The following PRRX1 variants were observed in gnomAD, a reference collection of about 807,000 sequenced individuals.
The protein encoded by PRRX1 is paired related homeobox 1.
PRRX1 carries 8 observed loss-of-function variants against 24.0 expected under a neutral mutation model. The observed-to-expected ratio is 0.33, with a 90% confidence interval of 0.20 to 0.60. The LOEUF is 0.60. Ranked by LOEUF, PRRX1 falls within the 20% of genes least tolerant of loss-of-function variation. PRRX1 has a pLI of 0.82. For synonymous variants in PRRX1, 160 were observed against 131.7 expected (o/e 1.22, Z -1.47); for missense variants, 281 against 322.4 (o/e 0.87, Z 0.98).
intron 1 of PRRX1, among the ~76,000 whole-genome samples, chr1:170,709,211 T>C (rs760103149): frequency 6.6e-6 from 1 of 152,162 alleles, no homozygotes; most frequent in African/African-American, 2.4e-5. Flanking sequence ...TTCTGGTTGT[T>C]GATCACAGAA....
chr1:170,732,503 A>G (rs1655465018), intron 3 of PRRX1, among the ~76,000 whole-genome samples: 1 of 152,180 alleles, frequency 6.6e-6, no homozygotes, highest in African/African-American at 2.4e-5. Flanking sequence ...TTTGCTTTTC[A>G]CTGGTATATC....
chr1:170,711,443 G>T (rs1476441088), intron 1 of PRRX1, among the ~76,000 whole-genome samples: 2 of 152,182 alleles, frequency 1.3e-5, no homozygotes, highest in African/African-American at 4.8e-5. Flanking sequence ...AAGCAGAGAA[G>T]CTCTGCTCCA....
In PRRX1 at chr1:170,719,790, T is replaced by C. The variant is rs34501887; in HGVS notation, c.306T>C (p.Asn102=). 29 of 1,614,208 alleles carry C rather than the reference T, an allele frequency of 1.8e-5. No individual in the cohort carries two copies. In the African/African-American group the frequency reaches 2.0e-4, roughly 11 times the overall value. ...AGCGAAGGAATAGGACAACCTTCAA[T>C]AGCAGCCAGCTGCAGGCTTTGGAGC... ...RKQRRNRTTF[N]SSQLQALERV... is the part of the protein sequence containing the mutation. Residue 102 remains asparagine (N), a synonymous_variant, in exon 2 of 4, where the codon AAT becomes AAC. Coordinates refer to ENST00000239461, the MANE Select transcript of PRRX1 (RefSeq NM_022716.4).
At position 170,664,232 on chromosome 1, in the gene PRRX1, A is replaced by G. The variant is rs1476502323; in HGVS notation, c.14A>G (p.Tyr5Cys). The G allele has an allele frequency of 6.2e-7, 1 of 1,611,268 alleles. No individual in the cohort carries two copies. The highest frequency in any genetic ancestry group is 8.5e-7 in the Non-Finnish European group (1 of 1,179,184). MTSS[Y>C]GHVLERQPAL... ...GTGGGGGAGACCATGACCTCCAGCT[A>G]CGGGCACGTTCTGGAGCGGCAACCG... The change falls in exon 1 of 4, where the codon TAC becomes TGC. Residue 5 changes from tyrosine (Y) to cysteine (C), a missense_variant. Physicochemically the swap from Tyr to Cys is radical, Grantham distance 194. Transcript: ENST00000239461.
chr1:170,687,439 T>C (rs1245944258), intron 1 of PRRX1, among the ~76,000 whole-genome samples: 1 of 152,168 alleles, frequency 6.6e-6, no homozygotes, highest in African/African-American at 2.4e-5. Context: ...TGCCTTAAGC[T>C]AACAGTAGAT....
chr1:170,712,049 T>TAATTG, intron 1 of PRRX1, among the ~76,000 whole-genome samples: 1 of 152,302 alleles, frequency 6.6e-6, no homozygotes, highest in East Asian at 1.9e-4. Flanking sequence ...GGCTGGGAAA[T>TAATTG]AATTGAATTT....
intron 1 of PRRX1, among the ~76,000 whole-genome samples, chr1:170,686,179 CAAA>C (rs397754426): frequency 3.8e-5 from 4 of 105,240 alleles, no homozygotes; most frequent in African/African-American, 6.9e-5. Flanking sequence ...GTTAAGGGTA[CAAA>C]AAAAAAAAAA....
intron 3 of PRRX1, among the ~76,000 whole-genome samples, chr1:170,731,820 G>T (rs182599662): frequency 6.6e-6 from 1 of 152,332 alleles, no homozygotes; most frequent in Non-Finnish European, 1.5e-5. Flanking sequence ...CTCTGTGTAA[G>T]TCTCAGGGCA....
intron 3 of PRRX1, chr1:170,727,993 G>A (rs190708006): frequency 1.3e-5 from 2 of 152,082 alleles, no homozygotes; most frequent in Non-Finnish European, 2.9e-5. Context: ...TCATGAACAC[G>A]CTAAATGGCT....
intron 1 of PRRX1, chr1:170,668,475 C>G (rs1053768894): frequency 1.3e-5 from 2 of 152,224 alleles, no homozygotes; most frequent in Admixed American, 1.3e-4. Flanking sequence ...CATTCACAAG[C>G]CGGTGCTAAG....
intron 1 of PRRX1, among the ~76,000 whole-genome samples, chr1:170,684,739 T>C (rs1653673234): frequency 6.6e-6 from 1 of 152,042 alleles, no homozygotes; most frequent in South Asian, 2.1e-4. Context: ...GACAACAGAG[T>C]GAGACTCCAT....
At chr1:170,671,533 G>A (rs1457691918) in intron 1 of PRRX1, among the ~76,000 whole-genome samples, 1 of 152,254 alleles carries the variant, frequency 6.6e-6, no homozygotes, top group African/African-American at 2.4e-5. Flanking sequence ...CCGAAAGGGG[G>A]CGCGCTCCTC....
rs1655247469 is a variant in PRRX1, at chr1:170,726,222, G to A, written c.420G>A (p.Val140=). The A allele has an allele frequency of 8.1e-6, 13 of 1,613,524 alleles. No homozygotes were observed. Among genetic ancestry groups the A allele is most frequent in the Non-Finnish European group, 1.1e-5 (13 of 1,179,662 alleles). Residue 140 remains valine, a splice_region_variant and synonymous_variant, in exon 3 of 4, where the codon GTG becomes GTA. Transcript: ENST00000239461. ...CTTGCCTCCTAACAATCCTCCAGGT[G>A]TGGTTTCAGAACCGAAGAGCCAAGT... ...RVNLTEARVQ[V]WFQNRRAKFR...
intron 3 of PRRX1, chr1:170,727,978 T>C (rs1655310714): frequency 1.3e-5 from 2 of 152,222 alleles, no homozygotes; most frequent in Admixed American, 6.5e-5. Flanking sequence ...AGAAATTTGG[T>C]GTGTTCATGA....
At chr1:170,694,538 C>A (rs952358317) in intron 1 of PRRX1, among the ~76,000 whole-genome samples, 25 of 152,096 alleles carry the variant, frequency 1.6e-4, no homozygotes, top group African/African-American at 5.8e-4. Flanking sequence ...AAGCTAGTCA[C>A]ACGGGTTGAG....
At chr1:170,663,268 G>T (rs1274469246), upstream of PRRX1, 1 of 152,172 alleles carries the variant, frequency 6.6e-6, no homozygotes, top group African/African-American at 2.4e-5. Flanking sequence ...CGTAATTACA[G>T]GCTCCTATTA....
chr1:170,705,657 T>C (rs1311059280), intron 1 of PRRX1, among the ~76,000 whole-genome samples: 1 of 152,124 alleles, frequency 6.6e-6, no homozygotes, highest in Non-Finnish European at 1.5e-5. Context: ...TGTGACCTAT[T>C]GTCTGGGAGC....
chr1:170,684,516 G>A (rs1033228375), intron 1 of PRRX1, among the ~76,000 whole-genome samples: 4 of 152,226 alleles, frequency 2.6e-5, no homozygotes, highest in African/African-American at 7.2e-5. Context: ...ATTTTGGGAG[G>A]CCAAGGCAAG....
intron 1 of PRRX1, among the ~76,000 whole-genome samples, chr1:170,695,972 A>T (rs1654153352): frequency 6.6e-6 from 1 of 152,174 alleles, no homozygotes; most frequent in African/African-American, 2.4e-5. Context: ...AAAATAAAAC[A>T]TGCTTTTCTC....
Sources: gnomAD v4.1 joint callset for allele counts (sites outside exome capture counted in the v4.1 genomes callset) on GRCh38, gnomAD v4.1.1 for gene constraint, MANE v1.5 for transcripts, NCBI Gene and HGNC (gene_info 2026-07-23, HGNC 2026-07-21) for gene names.